Variants in KCTD1 observed in about 807,000 individuals in gnomAD.
The protein encoded by KCTD1 is BTB/POZ domain-containing protein KCTD1.
A neutral mutation model predicts 66.0 loss-of-function variants in KCTD1; 24 were observed. The observed-to-expected ratio is 0.36, with a 90% CI of 0.26 to 0.51. The LOEUF (loss-of-function observed/expected upper bound fraction) is 0.51, where lower values mean the gene tolerates loss of function less well. KCTD1 is among the 20% of genes least tolerant of loss of function. The pLI is 0.95. For synonymous variants in KCTD1, 511 were observed against 517.2 expected (o/e 0.99, Z 0.16); for missense variants, 943 against 1,205.2 (o/e 0.78, Z 3.22).
chr18:26,652,754 A>G (rs760828845), intron 1 of KCTD1, among the ~76,000 whole-genome samples: 1 of 152,216 alleles, frequency 6.6e-6, no homozygotes, highest in Non-Finnish European at 1.5e-5. Context: ...TTAAAGAATG[A>G]CTAGATGCTT....
intron 3 of KCTD1, among the ~76,000 whole-genome samples, chr18:26,467,958 T>C (rs1980839956): frequency 1.3e-5 from 2 of 152,156 alleles, no homozygotes; most frequent in African/African-American, 2.4e-5. Flanking sequence ...CCATGAAAGA[T>C]GTGAGCAACA....
intron 1 of KCTD1, among the ~76,000 whole-genome samples, chr18:26,621,386 C>G (rs1987380498): frequency 6.6e-6 from 1 of 151,978 alleles, no homozygotes; most frequent in South Asian, 2.1e-4. Context: ...ACGGGAAGCT[C>G]GGCACTTCCT....
At chr18:26,572,618 C>T (rs1344533057) in intron 1 of KCTD1, among the ~76,000 whole-genome samples, 1 of 152,188 alleles carries the variant, frequency 6.6e-6, no homozygotes. Context: ...TGGGATGAGG[C>T]ACTCTGTTGC....
rs1403188148 is a variant in KCTD1, at chr18:26,554,024, G to GA, written c.-15-52775dup. ...AAAGAAAAAAGAAAAGAAGATGAAA[G>GA]AAAAGAAAGGAAGGAAAGAATGAAA... On this transcript the variant is annotated intron_variant, in intron 1 of 4. Transcript: ENST00000317932. Among the ~76,000 whole-genome samples the GA allele has an allele frequency of 4.2e-5, 6 of 142,884 alleles. No homozygotes were observed. In the Admixed American group the frequency reaches 4.2e-4, roughly 10 times the overall value. The allele number at this position is 142,884 out of a possible 152,430, so 93.7% of individuals were successfully genotyped here.
intron 1 of KCTD1, among the ~76,000 whole-genome samples, chr18:26,591,843 T>A (rs1986612509): frequency 6.6e-6 from 1 of 152,200 alleles, no homozygotes; most frequent in South Asian, 2.1e-4. Flanking sequence ...CCAGCCATGA[T>A]TTGGAGTTTA....
At chr18:26,528,551 T>A (rs1335967674) in intron 1 of KCTD1, among the ~76,000 whole-genome samples, 1 of 152,188 alleles carries the variant, frequency 6.6e-6, no homozygotes, top group African/African-American at 2.4e-5. Flanking sequence ...GAGCCCTGCC[T>A]TCCTCCAGCT....
At chr18:26,457,528 G>C (rs990968031) in intron 4 of KCTD1, 14 of 152,190 alleles carry the variant, frequency 9.2e-5, no homozygotes, top group Non-Finnish European at 4.4e-5. Flanking sequence ...TGAGTCTTAA[G>C]GTCACTAAAT....
chr18:26,473,077 C>G (rs566598959), intron 3 of KCTD1, among the ~76,000 whole-genome samples: 1 of 152,134 alleles, frequency 6.6e-6, no homozygotes, highest in East Asian at 1.9e-4. Flanking sequence ...AAATTTTTGC[C>G]CAAATTAATA....
intron 1 of KCTD1, among the ~76,000 whole-genome samples, chr18:26,649,618 T>C (rs775425152): frequency 2.0e-4 from 30 of 152,094 alleles, no homozygotes; most frequent in Admixed American, 1.8e-3. Context: ...AAGCGATTCT[T>C]CTGCCCCAGC....
At chr18:26,485,702 T>C (rs1008001696) in intron 2 of KCTD1, among the ~76,000 whole-genome samples, 3 of 152,156 alleles carry the variant, frequency 2.0e-5, no homozygotes, top group African/African-American at 7.2e-5. Context: ...CAGGCAAGCA[T>C]GAGCATATGC....
At chr18:26,599,739 C>A in intron 1 of KCTD1, 1 of 1,568,498 alleles carries the variant, frequency 6.4e-7, no homozygotes, top group Non-Finnish European at 8.8e-7. Context: ...GTGAAGACAG[C>A]ATCTAAGCTG....
At chr18:26,479,416 C>A (rs981817926) in intron 2 of KCTD1, among the ~76,000 whole-genome samples, 2 of 152,218 alleles carry the variant, frequency 1.3e-5, no homozygotes, top group Non-Finnish European at 2.9e-5. Flanking sequence ...AAACCGCAGA[C>A]CCCCCGCCAG....
Position 26,547,232 on chromosome 18 carries a change from C to T in KCTD1, c.1305G>A (p.Met435Ile). Residue 435 changes from methionine to isoleucine, a missense_variant, in exon 1 of 5, where the codon ATG (methionine) becomes ATA (isoleucine). Met to Ile is a conservative substitution (Grantham distance 10). Transcript: ENST00000580059. ...GCTTGGCCGCCTTGGAGAGCATCTG[C>T]ATCCGAGTGCCTAGCAAGTTCTTGC... is the stretch of plus-strand genomic sequence containing the variant. ...AIGKNLLGTR[M>I]QMLSKAAKLS... The T allele has an allele frequency of 2.6e-6, 4 of 1,551,560 alleles. No individual in the cohort carries two copies. The highest frequency in any genetic ancestry group is 1.7e-6 in the Non-Finnish European group (2 of 1,146,984).
chr18:26,516,630 C>T (rs771665532), intron 1 of KCTD1, among the ~76,000 whole-genome samples: 3 of 152,194 alleles, frequency 2.0e-5, no homozygotes, highest in Non-Finnish European at 4.4e-5. Context: ...CCTGCAGATG[C>T]AATCAGAATA....
intron 1 of KCTD1, among the ~76,000 whole-genome samples, chr18:26,576,373 G>T (rs1470164628): frequency 6.6e-6 from 1 of 152,130 alleles, no homozygotes; most frequent in Admixed American, 6.5e-5. Flanking sequence ...AGATTTGGGT[G>T]CTCAAACCTG....
chr18:26,548,563 GC>G, upstream of KCTD1: 1 of 1,226,316 alleles, frequency 8.2e-7, no homozygotes, highest in Non-Finnish European at 1.0e-6. Context: ...CAGTCCTCGG[GC>G]AGGGCGCATG....
At position 26,600,162 on chromosome 18, in the gene KCTD1, T is replaced by C; in HGVS notation, c.-16+28985A>G. 2.5e-6 allele frequency: 4 copies of C among 1,606,270 alleles called. No homozygotes were observed. The South Asian group carries it at 3.3e-5, about 13-fold the overall frequency. ...CCTGTAAGAACTGCACCTGTGGCCT[T>C]GCCAAAGAACTGGAAAAAGAGAAGT... is the stretch of plus-strand genomic sequence containing the variant. On this transcript the variant is annotated intron_variant, in intron 1 of 4. Transcript: ENST00000317932.
chr18:26,625,387 G>T (rs1987477751), intron 1 of KCTD1, among the ~76,000 whole-genome samples: 1 of 152,142 alleles, frequency 6.6e-6, no homozygotes, highest in Non-Finnish European at 1.5e-5. Flanking sequence ...CCCAGTGGGA[G>T]ATAAATGAAT....
In KCTD1 at chr18:26,562,447, C is replaced by CG. The variant is rs1263551163; in HGVS notation, c.-15-61198dup. Among the ~76,000 whole-genome samples the CG allele has an allele frequency of 8.1e-4, 24 of 29,622 alleles. No homozygotes were observed. In the South Asian group the frequency reaches 0.022, roughly 28 times the overall value. The allele number at this position is 29,622 out of a possible 152,430, so 19.4% of individuals were successfully genotyped here. On this transcript the variant is annotated intron_variant, in intron 1 of 4. Transcript: ENST00000317932. Reference sequence around the variant, plus strand: ...CCGGTGGGGGGTGGGGGGGTGGGGGCGGGGGGTTCTCCCTATGTTGCCTGG... The same window carrying CG: ...CCGGTGGGGGGTGGGGGGGTGGGGGCGGGGGGGTTCTCCCTATGTTGCCTGG...
Sources: gnomAD v4.1 joint callset for allele counts (sites outside exome capture counted in the v4.1 genomes callset) on GRCh38, gnomAD v4.1.1 for gene constraint, MANE v1.5 for transcripts, NCBI Gene and HGNC (gene_info 2026-07-23, HGNC 2026-07-21) for gene names.